Variants in PHF14 observed in about 807,000 individuals in gnomAD.
The protein encoded by PHF14 is PHD finger protein 14.
Under a neutral mutation model 117.9 loss-of-function variants are expected in PHF14, and 55 were observed. The observed-to-expected ratio is 0.47, with a 90% confidence interval of 0.38 to 0.58. The LOEUF (loss-of-function observed/expected upper bound fraction) is 0.58, where lower values mean the gene tolerates loss of function less well. Ranked by LOEUF, PHF14 falls within the 20% of genes least tolerant of loss-of-function variation. PHF14 has a pLI of 0.00. For synonymous variants in PHF14, 409 were observed against 368.6 expected (o/e 1.11, Z -1.26); for missense variants, 978 against 1,122.2 (o/e 0.87, Z 1.84).
intron 16 of PHF14, chr7:11,103,527 A>G: frequency 1.0e-6 from 1 of 985,192 alleles, no homozygotes; most frequent in Non-Finnish European, 1.2e-6. Flanking sequence ...AGTATGTTGA[A>G]TATTTCATCA....
intron 4 of PHF14, among the ~76,000 whole-genome samples, chr7:10,995,509 G>C (rs1409874927): frequency 6.6e-6 from 1 of 152,240 alleles, no homozygotes; most frequent in Non-Finnish European, 1.5e-5. Context: ...TCCCGCACCA[G>C]GGCCACATGT....
intron 17 of PHF14, among the ~76,000 whole-genome samples, chr7:11,139,823 G>A (rs1211395955): frequency 6.6e-6 from 1 of 152,048 alleles, no homozygotes; most frequent in African/African-American, 2.4e-5. Flanking sequence ...TGAAAATTGA[G>A]TAAAATTTTC....
chr7:11,143,913 A>G (rs1197148463), intron 17 of PHF14, among the ~76,000 whole-genome samples: 1 of 152,176 alleles, frequency 6.6e-6, no homozygotes, highest in Non-Finnish European at 1.5e-5. Flanking sequence ...ACAGCAAAGG[A>G]AACAATCAAC....
intron 17 of PHF14, among the ~76,000 whole-genome samples, chr7:11,131,779 T>C (rs918465522): frequency 4.6e-5 from 7 of 151,908 alleles, no homozygotes; most frequent in Non-Finnish European, 8.8e-5. Context: ...TGTGATTCAT[T>C]GTGAGTTAAT....
At position 11,036,428 on chromosome 7, in the gene PHF14, A is replaced by G. The variant is rs753591764; in HGVS notation, c.1613A>G (p.Asn538Ser). 3.7e-6 allele frequency: 6 copies of G among 1,611,874 alleles called. No individual in the cohort carries two copies. The highest frequency in any genetic ancestry group is 5.1e-6 in the Non-Finnish European group (6 of 1,178,326). The stretch of plus-strand genomic sequence containing the variant: ...ACATTTCTTTTATAGGCAAGGATCA[A>G]TGCCCGGCTTCAGCAGTATCGTGCC... ...QLSPEAQARI[N>S]ARLQQYRAKA... The change falls in exon 9 of 18, where the codon AAT becomes AGT. Residue 538 changes from asparagine (N) to serine (S), a missense_variant. Physicochemically the swap from Asn to Ser is conservative, Grantham distance 46. Transcript: ENST00000634607.
intron 16 of PHF14, among the ~76,000 whole-genome samples, chr7:11,083,940 G>A (rs774073222): frequency 1.3e-5 from 2 of 152,178 alleles, no homozygotes; most frequent in Non-Finnish European, 2.9e-5. Flanking sequence ...TGGGATGCCC[G>A]TCTGGGGCAA....
At chr7:11,050,429 A>G (rs1172363877) in intron 13 of PHF14, among the ~76,000 whole-genome samples, 1 of 152,208 alleles carries the variant, frequency 6.6e-6, no homozygotes, top group Non-Finnish European at 1.5e-5. Context: ...TTTACTTTTA[A>G]CAACTGGTTT....
At chr7:11,003,387 A>G (rs1250027973) in intron 4 of PHF14, among the ~76,000 whole-genome samples, 1 of 152,204 alleles carries the variant, frequency 6.6e-6, no homozygotes, top group Non-Finnish European at 1.5e-5. Context: ...TTGTTCCACA[A>G]ATATAACCTA....
At chr7:11,040,422 A>G (rs1369397736) in intron 11 of PHF14, among the ~76,000 whole-genome samples, 1 of 152,082 alleles carries the variant, frequency 6.6e-6, no homozygotes, top group Non-Finnish European at 1.5e-5. Context: ...GAAAGCTGAA[A>G]TAGAAGTTTA....
intron 17 of PHF14, among the ~76,000 whole-genome samples, chr7:11,113,400 C>T (rs1033279033): frequency 6.6e-6 from 1 of 152,032 alleles, no homozygotes; most frequent in Non-Finnish European, 1.5e-5. Context: ...AGTGGAAATG[C>T]GTTAGGAAGG....
At chr7:11,150,272 T>A (rs986316943) in intron 17 of PHF14, among the ~76,000 whole-genome samples, 19 of 152,166 alleles carry the variant, frequency 1.2e-4, no homozygotes, top group African/African-American at 4.3e-4. Context: ...TGGTTATAGT[T>A]ATGGTTATTG....
chr7:11,122,588 A>G (rs2128346513), intron 17 of PHF14, among the ~76,000 whole-genome samples: 1 of 151,512 alleles, frequency 6.6e-6, no homozygotes, highest in South Asian at 2.1e-4. Flanking sequence ...ACCATTAATG[A>G]TATACTTCCT....
intron 14 of PHF14, among the ~76,000 whole-genome samples, chr7:11,059,668 C>G (rs945199547): frequency 6.6e-6 from 1 of 151,860 alleles, no homozygotes; most frequent in Non-Finnish European, 1.5e-5. Flanking sequence ...CAGCTACTTG[C>G]AAGGCTGAGG....
intron 17 of PHF14, among the ~76,000 whole-genome samples, chr7:11,135,121 A>G (rs1217291213): frequency 1.3e-5 from 2 of 152,132 alleles, no homozygotes; most frequent in Non-Finnish European, 2.9e-5. Flanking sequence ...TTTTAGTCAA[A>G]TAGTCTCCTT....
intron 17 of PHF14, among the ~76,000 whole-genome samples, chr7:11,131,877 G>A: frequency 6.6e-6 from 1 of 151,644 alleles, no homozygotes; most frequent in East Asian, 1.9e-4. Context: ...GGTCCATATG[G>A]TCCAGCACTA....
rs780704974 is a variant in PHF14, at chr7:11,013,898, T to C, written c.1197T>C (p.Asp399=). The C allele has an allele frequency of 6.3e-7, 1 of 1,599,872 alleles. No homozygotes were observed. The highest frequency in any genetic ancestry group is 8.6e-7 in the Non-Finnish European group (1 of 1,169,422). The part of the protein sequence containing the change: ...PNQDGIFKET[D]AGRWVHIVCA... The stretch of plus-strand genomic sequence containing the variant: ...AGGATGGAATTTTCAAGGAGACAGA[T>C]GCTGGAAGGTTAATGTCCTAATTAT... The change falls in exon 5 of 18, where the codon GAT becomes GAC. Residue 399 remains aspartate (D), a synonymous_variant. Coordinates refer to ENST00000634607, the MANE Select transcript of PHF14 (RefSeq NM_001007157.2).
intron 2 of PHF14, among the ~76,000 whole-genome samples, chr7:10,980,471 A>T (rs17163867): frequency 6.6e-6 from 1 of 152,050 alleles, no homozygotes; most frequent in Admixed American, 6.5e-5. Context: ...TTTTTACCAG[A>T]TGTGATTTTT....
chr7:11,068,349 CAA>C (rs10659513), intron 16 of PHF14, among the ~76,000 whole-genome samples: 30 of 66,744 alleles, frequency 4.5e-4, no homozygotes, highest in African/African-American at 1.4e-3. Flanking sequence ...GACTCCGTCT[CAA>C]AAAAAAAAAA....
chr7:10,975,916 A>G (rs1248503465), intron 2 of PHF14, among the ~76,000 whole-genome samples: 1 of 152,192 alleles, frequency 6.6e-6, no homozygotes, highest in Non-Finnish European at 1.5e-5. Flanking sequence ...GAACGAAATT[A>G]TATTACTGTT....
Sources: gnomAD v4.1 joint callset for allele counts (sites outside exome capture counted in the v4.1 genomes callset) on GRCh38, gnomAD v4.1.1 for gene constraint, MANE v1.5 for transcripts, NCBI Gene and HGNC (gene_info 2026-07-23, HGNC 2026-07-21) for gene names.